Variants in PLEKHM3 observed in about 807,000 individuals in gnomAD.
The protein encoded by PLEKHM3 is pleckstrin homology domain containing M3, also known as pleckstrin homology domain-containing family M member 3.
In PLEKHM3, 45 loss-of-function variants were observed where a neutral mutation model predicts 81.8. That is an observed-to-expected ratio of 0.55 (90% CI 0.43 to 0.71). The LOEUF is 0.71. Among genes scored for constraint, PLEKHM3 ranks in the 30% least tolerant of loss-of-function variants. The pLI is 0.00. For missense variants in PLEKHM3, 788 were observed against 924.3 expected (o/e 0.85, Z 1.91); for synonymous variants, 352 against 356.4 (o/e 0.99, Z 0.14).
chr2:207,837,548 T>G (rs111630817), intron 7 of PLEKHM3, among the ~76,000 whole-genome samples: 8,390 of 150,912 alleles, frequency 0.056, 323 homozygotes, highest in Non-Finnish European at 0.084. Flanking sequence ...GGCAGTGAGC[T>G]GAGATCGCAC....
chr2:207,896,214 C>T (rs375963002), intron 6 of PLEKHM3, among the ~76,000 whole-genome samples: 16 of 152,326 alleles, frequency 1.1e-4, no homozygotes, highest in African/African-American at 3.4e-4. Context: ...TCTCACTTCA[C>T]GAATGAAGAA....
intron 1 of PLEKHM3, among the ~76,000 whole-genome samples, chr2:208,023,542 C>A (rs1478827328): frequency 6.6e-6 from 1 of 151,646 alleles, no homozygotes; most frequent in Non-Finnish European, 1.5e-5. Flanking sequence ...GCTCCGCCTC[C>A]TGTCAGATCG....
intron 6 of PLEKHM3, among the ~76,000 whole-genome samples, chr2:207,865,419 C>G (rs1003976006): frequency 1.3e-5 from 2 of 152,076 alleles, no homozygotes; most frequent in African/African-American, 4.8e-5. Context: ...TGAAAAAACT[C>G]TATATCCATT....
chr2:207,911,186 G>A lies in PLEKHM3; in HGVS notation c.1887-2609C>T, dbSNP rs148932869. On this transcript the variant is annotated intron_variant, in intron 5 of 7. Transcript: ENST00000427836. ...ATGGAGTGAGGAAAAACCTGAATGG[G>A]AAGGGGGCTGAACCCAGATGAGGGT... Among the ~76,000 whole-genome samples, 670 of 152,294 alleles carry A rather than the reference G, an allele frequency of 4.4e-3. 4 individuals are homozygous for A. The highest frequency in any genetic ancestry group is 0.014 in the African/African-American group (597 of 41,566).
Position 207,870,389 on chromosome 2 carries a change from C to T in PLEKHM3, c.1951-9127G>A, listed in dbSNP as rs567532017. Among the ~76,000 whole-genome samples, 34 of 152,310 alleles carry T rather than the reference C, an allele frequency of 2.2e-4. 2 individuals are homozygous for T. In the South Asian group the frequency reaches 2.9e-3, roughly 13 times the overall value. On this transcript the variant is annotated intron_variant, in intron 6 of 7. Transcript: ENST00000427836. The stretch of plus-strand genomic sequence containing the variant: ...TAACATCTAGATTTGGAGCGACTGT[C>T]GGGAATGCTTTGGTGAAGAGGGCTG...
chr2:207,935,339 C>G lies in PLEKHM3; in HGVS notation c.1693-4220G>C, dbSNP rs145450530. ...CTACAGACAGGGCAGCTGTTGAGTG[C>G]TGCACATGATGCATGGGCGGTGGGA... On this transcript the variant is annotated intron_variant, in intron 4 of 7. Transcript: ENST00000427836. Among the ~76,000 whole-genome samples, 638 of 152,338 alleles carry G rather than the reference C, an allele frequency of 4.2e-3. 2 individuals carry two copies. Among genetic ancestry groups the G allele is most frequent in the African/African-American group, 0.014 (590 of 41,574 alleles).
In PLEKHM3 at chr2:207,850,014, C is replaced by T. The variant is rs138561681; in HGVS notation, c.2108+11091G>A. Among the ~76,000 whole-genome samples the T allele has an allele frequency of 2.9e-3, 446 of 152,186 alleles. 5 individuals are homozygous for T. The highest frequency in any genetic ancestry group is 9.9e-3 in the African/African-American group (412 of 41,514). ...ATCTGCTCAGCTTTTGGTGATGCCT[C>T]GAGCTGCGTCACAAATGGCAGGGAA... On this transcript the variant is annotated intron_variant, in intron 7 of 7. Coordinates refer to ENST00000427836, the MANE Select transcript of PLEKHM3 (RefSeq NM_001080475.3).
intron 7 of PLEKHM3, among the ~76,000 whole-genome samples, chr2:207,856,442 C>T (rs1014484030): frequency 1.3e-5 from 2 of 152,170 alleles, no homozygotes; most frequent in Non-Finnish European, 1.5e-5. Flanking sequence ...TTTCACTGTC[C>T]TACAAATCTC....
intron 4 of PLEKHM3, among the ~76,000 whole-genome samples, chr2:207,937,507 C>G (rs1689795396): frequency 6.6e-6 from 1 of 151,076 alleles, no homozygotes; most frequent in Non-Finnish European, 1.5e-5. Flanking sequence ...GAGTTCAAGG[C>G]TGCAGTGAGT....
chr2:207,974,433 C>T (rs78970613), intron 3 of PLEKHM3, among the ~76,000 whole-genome samples: 2,676 of 152,286 alleles, frequency 0.018, 73 homozygotes, highest in African/African-American at 0.061. Context: ...GTGAATTAGG[C>T]AATACCTCTT....
At chr2:207,940,867 A>C (rs532034442) in intron 4 of PLEKHM3, among the ~76,000 whole-genome samples, 1 of 152,348 alleles carries the variant, frequency 6.6e-6, no homozygotes, top group Admixed American at 6.5e-5. Context: ...ATGGTCACTA[A>C]ACAAGAGAAG....
At chr2:208,009,092 G>A (rs908020184) in intron 1 of PLEKHM3, among the ~76,000 whole-genome samples, 1 of 152,304 alleles carries the variant, frequency 6.6e-6, no homozygotes, top group South Asian at 2.1e-4. Flanking sequence ...GGGCACCAGG[G>A]AAACCCTTCG....
chr2:207,850,116 A>G (rs2092404856), intron 7 of PLEKHM3, among the ~76,000 whole-genome samples: 1 of 152,144 alleles, frequency 6.6e-6, no homozygotes, highest in African/African-American at 2.4e-5. Flanking sequence ...CCTATCACCA[A>G]ACTAACCCAA....
chr2:207,983,288 T>C (rs1374848322), intron 2 of PLEKHM3, among the ~76,000 whole-genome samples: 2 of 151,978 alleles, frequency 1.3e-5, no homozygotes. Context: ...CCTGACCTTG[T>C]GATCCGCCCG....
intron 6 of PLEKHM3, among the ~76,000 whole-genome samples, chr2:207,885,516 G>A (rs1033045494): frequency 1.3e-5 from 2 of 152,192 alleles, no homozygotes; most frequent in African/African-American, 4.8e-5. Context: ...AGCAGATGGA[G>A]AAATGATGGC....
chr2:207,857,532 A>T (rs2092442837), intron 7 of PLEKHM3, among the ~76,000 whole-genome samples: 1 of 152,098 alleles, frequency 6.6e-6, no homozygotes, highest in South Asian at 2.1e-4. Flanking sequence ...TTACTAATTC[A>T]ATTTCTTTAC....
At chr2:207,974,851 A>G (rs972716351) in intron 3 of PLEKHM3, among the ~76,000 whole-genome samples, 7 of 139,222 alleles carry the variant, frequency 5.0e-5, no homozygotes, top group Non-Finnish European at 7.6e-5. Context: ...TTTTTTTTTG[A>G]GATGGAGTCT....
Position 208,019,971 on chromosome 2 carries a change from G to A in PLEKHM3, c.-319+5418C>T, listed in dbSNP as rs190131142. ...TAGTGCAGGTAAAAGTGGATCAAGA[G>A]CATGTAGGAGGAGATCATTCAGCTA... is the stretch of plus-strand genomic sequence containing the variant. On this transcript the variant is annotated intron_variant, in intron 1 of 7. Transcript: ENST00000427836. Among the ~76,000 whole-genome samples, 398 of 152,354 alleles carry A rather than the reference G, an allele frequency of 2.6e-3. 2 individuals are homozygous for A. Among genetic ancestry groups the A allele is most frequent in the African/African-American group, 9.0e-3 (374 of 41,576 alleles).
chr2:208,001,674 T>G lies in PLEKHM3; in HGVS notation c.-35A>C. The G allele has an allele frequency of 6.4e-7, 1 of 1,573,908 alleles. No homozygotes were observed. The highest frequency in any genetic ancestry group is 8.6e-7 in the Non-Finnish European group (1 of 1,164,448). ...TCCAGGAGGCCTTAGCCTCCTAAGC[T>G]GGTTCCAGAAATGGCTTCATGAACA... On this transcript the variant is annotated 5_prime_UTR_variant, in exon 2 of 8. Coordinates refer to ENST00000427836, the MANE Select transcript of PLEKHM3 (RefSeq NM_001080475.3).
Sources: gnomAD v4.1 joint callset for allele counts (sites outside exome capture counted in the v4.1 genomes callset) on GRCh38, gnomAD v4.1.1 for gene constraint, MANE v1.5 for transcripts, NCBI Gene and HGNC (gene_info 2026-07-23, HGNC 2026-07-21) for gene names.